Variants in MCM9 observed in about 807,000 individuals in gnomAD.
MCM9 encodes minichromosome maintenance 9 homologous recombination repair factor.
A neutral mutation model predicts 72.8 loss-of-function variants in MCM9; 55 were observed. The ratio of observed to expected loss-of-function variants is 0.76; its 90% CI spans 0.61 to 0.95. The LOEUF (loss-of-function observed/expected upper bound fraction) is 0.95, where lower values mean the gene tolerates loss of function less well. MCM9 is among the 40% of genes least tolerant of loss of function. The pLI, the probability that MCM9 is intolerant of heterozygous loss-of-function variation, is 0.00. For synonymous variants in MCM9, 480 were observed against 503.4 expected (o/e 0.95, Z 0.62); for missense variants, 1,279 against 1,377.0 (o/e 0.93, Z 1.13).
intron 3 of MCM9, among the ~76,000 whole-genome samples, chr6:118,927,423 G>C (rs1781986630): frequency 6.6e-6 from 1 of 152,042 alleles, no homozygotes. Flanking sequence ...GACCAACATG[G>C]AGAAACCCCA....
At chr6:118,884,716 G>C (rs1238771044) in intron 8 of MCM9, among the ~76,000 whole-genome samples, 9 of 152,118 alleles carry the variant, frequency 5.9e-5, no homozygotes, top group Non-Finnish European at 5.9e-5. Flanking sequence ...TGGGTTGAAA[G>C]TAAAAGGATG....
intron 8 of MCM9, among the ~76,000 whole-genome samples, chr6:118,909,738 T>A (rs1780402432): frequency 6.6e-6 from 1 of 152,184 alleles, no homozygotes. Context: ...AACTATACCC[T>A]CTAATTTTAG....
intron 8 of MCM9, among the ~76,000 whole-genome samples, chr6:118,887,611 C>T (rs960916924): frequency 6.6e-5 from 10 of 151,908 alleles, no homozygotes; most frequent in Admixed American, 4.6e-4. Flanking sequence ...TCCAACATAA[C>T]GAAAATAGAT....
At chr6:118,831,785 C>A (rs1774580607) in intron 9 of MCM9, among the ~76,000 whole-genome samples, 1 of 152,068 alleles carries the variant, frequency 6.6e-6, no homozygotes, top group Non-Finnish European at 1.5e-5. Flanking sequence ...CTACCTTCAA[C>A]AATATTAATA....
At chr6:118,924,795 C>T (rs1473276099) in intron 3 of MCM9, among the ~76,000 whole-genome samples, 1 of 152,174 alleles carries the variant, frequency 6.6e-6, no homozygotes, top group African/African-American at 2.4e-5. Context: ...CACCGTGGCT[C>T]ACACTTGGGA....
In MCM9 at chr6:118,888,726, T is replaced by C. The variant is rs544233712; in HGVS notation, c.1150+22924A>G. Among the ~76,000 whole-genome samples, 40 of 152,158 alleles carry C rather than the reference T, an allele frequency of 2.6e-4. No individual in the cohort carries two copies. The East Asian group carries it at 7.1e-3, about 27-fold the overall frequency. On this transcript the variant is annotated intron_variant, in intron 8 of 13. Coordinates refer to ENST00000619706, the MANE Select transcript of MCM9 (RefSeq NM_017696.3). ...AATAAAACGTGGTATACCTATACAA[T>C]GGAAAATTATTGGGTAATAAAAAGG...
intron 8 of MCM9, among the ~76,000 whole-genome samples, chr6:118,889,214 T>C (rs1358644730): frequency 6.6e-6 from 1 of 152,178 alleles, no homozygotes; most frequent in Non-Finnish European, 1.5e-5. Context: ...TTTCTACCAA[T>C]TAATTACCTA....
chr6:118,853,205 T>C (rs1354064797), intron 9 of MCM9, among the ~76,000 whole-genome samples: 1 of 152,250 alleles, frequency 6.6e-6, no homozygotes, highest in Admixed American at 6.5e-5. Flanking sequence ...GTTGAATTAT[T>C]TGACATCGTT....
intron 9 of MCM9, among the ~76,000 whole-genome samples, chr6:118,846,960 C>A (rs1775912611): frequency 6.6e-6 from 1 of 151,684 alleles, no homozygotes; most frequent in South Asian, 2.1e-4. Context: ...CCAAAAAAAC[C>A]CCACAAAGCA....
At chr6:118,898,406 T>C (rs1216118280) in intron 8 of MCM9, among the ~76,000 whole-genome samples, 1 of 151,816 alleles carries the variant, frequency 6.6e-6, no homozygotes, top group African/African-American at 2.4e-5. Context: ...TTAAAATTCA[T>C]GAAAACCTTT....
At chr6:118,862,323 G>A (rs373987979) in intron 8 of MCM9, among the ~76,000 whole-genome samples, 47 of 152,318 alleles carry the variant, frequency 3.1e-4, no homozygotes, top group South Asian at 8.3e-4. Flanking sequence ...TCCATGGAGC[G>A]TACAGCCCTG....
At chr6:118,870,463 A>G (rs2114310755) in intron 8 of MCM9, among the ~76,000 whole-genome samples, 1 of 152,258 alleles carries the variant, frequency 6.6e-6, no homozygotes, top group Non-Finnish European at 1.5e-5. Flanking sequence ...ACACAACATG[A>G]CAAAACTTAT....
intron 8 of MCM9, among the ~76,000 whole-genome samples, chr6:118,897,557 A>G (rs1188684431): frequency 6.6e-6 from 1 of 152,144 alleles, no homozygotes; most frequent in Non-Finnish European, 1.5e-5. Flanking sequence ...TCCAAAGCCT[A>G]CATACTTTCC....
intron 9 of MCM9, among the ~76,000 whole-genome samples, chr6:118,843,637 A>AT (rs1382347461): frequency 3.6e-4 from 2 of 5,556 alleles, no homozygotes; most frequent in African/African-American, 7.3e-4. Flanking sequence ...AAAACAAAAC[A>AT]AAACATATAT....
At chr6:118,894,161 G>C (rs1476890216) in intron 8 of MCM9, 17 of 1,264,524 alleles carry the variant, frequency 1.3e-5, no homozygotes, top group Admixed American at 3.7e-5. Flanking sequence ...CAGAACTCGG[G>C]TGCAGCCAAT....
intron 6 of MCM9, among the ~76,000 whole-genome samples, chr6:118,917,069 G>T (rs1781023089): frequency 6.6e-6 from 1 of 152,168 alleles, no homozygotes; most frequent in Non-Finnish European, 1.5e-5. Flanking sequence ...ACACCTGAAT[G>T]TCACAGTCAA....
At chr6:118,895,223 C>T (rs1014138183) in intron 8 of MCM9, among the ~76,000 whole-genome samples, 3 of 151,974 alleles carry the variant, frequency 2.0e-5, no homozygotes, top group South Asian at 2.1e-4. Flanking sequence ...CCGGCGCTCC[C>T]CGGGGGCCGT....
At chr6:118,894,038 C>T in intron 8 of MCM9, 2 of 1,005,216 alleles carry the variant, frequency 2.0e-6, no homozygotes, top group Non-Finnish European at 2.4e-6. Flanking sequence ...TTGTTCTCCG[C>T]CTTTGTCCTA....
chr6:118,915,475 C>T (rs760597641), intron 6 of MCM9, among the ~76,000 whole-genome samples: 8 of 152,202 alleles, frequency 5.3e-5, no homozygotes, highest in Non-Finnish European at 8.8e-5. Flanking sequence ...GGGTTTCTAA[C>T]ATCTAAGCAC....
Sources: allele counts gnomAD v4.1 joint callset (sites outside exome capture counted in the v4.1 genomes callset), GRCh38; gene constraint gnomAD v4.1.1; transcripts MANE v1.5; gene names NCBI Gene and HGNC (gene_info 2026-07-23, HGNC 2026-07-21).